The following NT5DC3 variants were observed in gnomAD, a reference collection of about 807,000 sequenced individuals.
The protein encoded by NT5DC3 is 5'-nucleotidase domain-containing protein 3.
Under a neutral mutation model 67.8 loss-of-function variants are expected in NT5DC3, and 42 were observed. That is an observed-to-expected ratio of 0.62 (90% CI 0.48 to 0.80). The LOEUF (loss-of-function observed/expected upper bound fraction) is 0.80, where lower values mean the gene tolerates loss of function less well. NT5DC3 is among the 30% of genes least tolerant of loss of function. NT5DC3 has a pLI of 0.00. For synonymous variants in NT5DC3, 237 were observed against 255.6 expected (o/e 0.93, Z 0.69); for missense variants, 570 against 696.4 (o/e 0.82, Z 2.04).
At chr12:103,812,766 T>C (rs1467101351) in intron 2 of NT5DC3, among the ~76,000 whole-genome samples, 1 of 152,122 alleles carries the variant, frequency 6.6e-6, no homozygotes, top group Non-Finnish European at 1.5e-5. Flanking sequence ...GAACCTCAGT[T>C]TCCTCAGCTG....
At chr12:103,840,401 A>ATCTCC in intron 1 of NT5DC3, among the ~76,000 whole-genome samples, 1 of 145,802 alleles carries the variant, frequency 6.9e-6, no homozygotes, top group Non-Finnish European at 1.5e-5. Flanking sequence ...ATCTCATCTC[A>ATCTCC]TCTCATCTCA....
intron 1 of NT5DC3, among the ~76,000 whole-genome samples, chr12:103,836,059 C>A (rs1888133467): frequency 6.6e-6 from 1 of 152,088 alleles, no homozygotes; most frequent in Admixed American, 6.5e-5. Flanking sequence ...ATGGGAAAGA[C>A]CAGCCCCCAT....
intron 1 of NT5DC3, among the ~76,000 whole-genome samples, chr12:103,815,369 T>C (rs570466310): frequency 1.3e-5 from 2 of 152,282 alleles, no homozygotes; most frequent in East Asian, 3.9e-4. Flanking sequence ...TCACTGCTAA[T>C]GGGCACAGAA....
At chr12:103,798,441 G>C in intron 5 of NT5DC3, 146 bp downstream of exon 5, 1 of 623,448 alleles carries the variant, frequency 1.6e-6, no homozygotes. Flanking sequence ...AAAGAATCTG[G>C]GGGTGTCCCC....
chr12:103,785,249 A>G (rs1885714004), intron 12 of NT5DC3, 86 bp downstream of exon 12: 1 of 1,306,748 alleles, frequency 7.7e-7, no homozygotes, highest in Non-Finnish European at 1.1e-6. Flanking sequence ...CTCATATTTT[A>G]TAACAATTAA....
In NT5DC3 at chr12:103,841,062, C is replaced by G. The variant is rs925015964; in HGVS notation, c.95G>C (p.Arg32Pro). The change falls in exon 1 of 14, where the codon CGG (arginine) becomes CCG (proline). Residue 32 changes from arginine to proline, a missense_variant. Arg to Pro is a moderately radical substitution (Grantham distance 103, BLOSUM62 -2). This residue lies in a region of NT5DC3 where 104 missense variants were observed against 88.4 expected (regional missense o/e 1.18). Coordinates refer to ENST00000392876, the MANE Select transcript of NT5DC3 (RefSeq NM_001031701.3). ...GGCGGGGCCCGCACACGGCCGCCCCCGAGCCGCGGTCCCGCAGCCACCCCG... is the reference window on the plus strand; with the variant it reads ...GGCGGGGCCCGCACACGGCCGCCCCGGAGCCGCGGTCCCGCAGCCACCCCG... ...ALRGGCGTAA[R>P]GRPCAGPARP... 6.3e-6 allele frequency: 8 copies of G among 1,264,302 alleles called. No individual in the cohort carries two copies. In the East Asian group the frequency reaches 9.4e-5, roughly 15 times the overall value. 78.3% of individuals were successfully genotyped at this position (1,264,302 alleles called of 1,614,324 possible). A position where few individuals can be genotyped will look rare whatever the true frequency, so the allele number is the denominator to read the frequency against.
At chr12:103,815,531 C>T (rs192822406) in intron 1 of NT5DC3, among the ~76,000 whole-genome samples, 306 of 152,270 alleles carry the variant, frequency 2.0e-3, no homozygotes, top group Admixed American at 7.3e-3. Flanking sequence ...AAGCAATCCA[C>T]CCAACTCAGC....
chr12:103,749,017 C>A, the NT5DC3 span: 2 of 1,614,084 alleles, frequency 1.2e-6, no homozygotes, highest in Non-Finnish European at 1.7e-6. Context: ...GCCAGATGCT[C>A]CCAGAAGGGC....
chr12:103,841,122 C>T lies in NT5DC3; in HGVS notation c.35G>A (p.Gly12Glu). 1.0e-6 allele frequency: 1 copy of T among 972,256 alleles called. No homozygotes were observed. The highest frequency in any genetic ancestry group is 1.4e-6 in the Non-Finnish European group (1 of 732,052). The allele number at this position is 972,256 out of a possible 1,614,324, so 60.2% of individuals were successfully genotyped here. The change falls in exon 1 of 14, where the codon GGG becomes GAG. Residue 12 changes from glycine to glutamate, a missense_variant. Transcript: ENST00000392876. ...CGCTGTCGCTGCCCTCGCCCCGGCC[C>T]CGCGTGCCACCACCGCCGCCGCTGC... ...TMAAAAVVAR[G>E]AGARAATAAA...
In NT5DC3 at chr12:103,793,523, G is replaced by A; in HGVS notation, c.815-11C>T. The stretch of plus-strand genomic sequence containing the variant: ...AGCAGATGTACTTTTCTAAGAGCAA[G>A]AGAAAAATTCACACACAGATTCAGC... On this transcript the variant is annotated splice_polypyrimidine_tract_variant and intron_variant, in intron 7 of 13. Transcript: ENST00000392876. The A allele has an allele frequency of 1.3e-6, 2 of 1,595,456 alleles. No individual in the cohort carries two copies. The highest frequency in any genetic ancestry group is 1.7e-6 in the Non-Finnish European group (2 of 1,164,364).
the NT5DC3 span, chr12:103,763,597 G>A: frequency 1.1e-5 from 18 of 1,613,746 alleles, no homozygotes; most frequent in Admixed American, 1.7e-4. Flanking sequence ...ACCTTCCTAC[G>A]ACCCCTTCAC....
At position 103,776,672 on chromosome 12, in the gene NT5DC3, A is replaced by C. The variant is rs1885350561; in HGVS notation, c.*1157T>G. ...AGACATCTAAAAAAAAACAAAACAAAACAAAAAAAAAAAAAACAAACTACA... is the reference window on the plus strand; with the variant it reads ...AGACATCTAAAAAAAAACAAAACAACACAAAAAAAAAAAAAACAAACTACA... On this transcript the variant is annotated 3_prime_UTR_variant, in exon 14 of 14. Transcript: ENST00000392876. 1 of 116,506 alleles carries C rather than the reference A, an allele frequency of 8.6e-6. No individual in the cohort carries two copies. Among genetic ancestry groups the C allele is most frequent in the East Asian group, 2.9e-4 (1 of 3,462 alleles). 7.2% of individuals were successfully genotyped at this position (116,506 alleles called of 1,614,324 possible).
chr12:103,761,507 TTCCTCCAGAGACTGGAGGA>T, the NT5DC3 span: 10 of 1,111,850 alleles, frequency 9.0e-6, no homozygotes, highest in Non-Finnish European at 1.3e-5. Flanking sequence ...CTCCTCCCTC[TTCCTCCAGAGACTGGAGGA>T]GCCTCCAGCC....
chr12:103,818,385 T>C (rs940308706), intron 1 of NT5DC3, among the ~76,000 whole-genome samples: 2 of 151,878 alleles, frequency 1.3e-5, no homozygotes, highest in African/African-American at 2.4e-5. Context: ...CATGGCCTTT[T>C]TTTTTTTTTT....
At chr12:103,792,277 G>A (rs1886101020) in intron 9 of NT5DC3, among the ~76,000 whole-genome samples, 1 of 152,154 alleles carries the variant, frequency 6.6e-6, no homozygotes, top group Admixed American at 6.5e-5. Flanking sequence ...CATGGTTCTT[G>A]GTTTGCCTCT....
chr12:103,754,959 A>C, the NT5DC3 span: 1 of 225,794 alleles, frequency 4.4e-6, no homozygotes, highest in African/African-American at 2.3e-5. Context: ...AAAAAAAAAA[A>C]AATTTGAGTT....
chr12:103,800,762 G>A (rs953907957), intron 4 of NT5DC3, among the ~76,000 whole-genome samples: 3 of 152,170 alleles, frequency 2.0e-5, no homozygotes, highest in Non-Finnish European at 4.4e-5. Context: ...TGAGAAACAC[G>A]AGGTTAGGAG....
chr12:103,831,045 C>T (rs937689502), intron 1 of NT5DC3, among the ~76,000 whole-genome samples: 36 of 152,208 alleles, frequency 2.4e-4, no homozygotes, highest in African/African-American at 8.4e-4. Flanking sequence ...TCCCAGATCA[C>T]TATCACTCAG....
At chr12:103,782,655 A>G (rs1174798253) in intron 12 of NT5DC3, among the ~76,000 whole-genome samples, 2 of 152,194 alleles carry the variant, frequency 1.3e-5, no homozygotes, top group East Asian at 3.8e-4. Context: ...TGCCAGCACC[A>G]CCACCATGAA....
Sources: allele counts gnomAD v4.1 joint callset (sites outside exome capture counted in the v4.1 genomes callset), GRCh38; gene constraint gnomAD v4.1.1; regional missense constraint gnomAD v4.1.1; transcripts MANE v1.5; gene names NCBI Gene and HGNC (gene_info 2026-07-23, HGNC 2026-07-21).